The following CADPS variants were observed in gnomAD, a reference collection of about 807,000 sequenced individuals.
CADPS encodes calcium dependent secretion activator.
In CADPS, 57 loss-of-function variants were observed where a neutral mutation model predicts 167.3. That is an observed-to-expected ratio of 0.34 (90% CI 0.28 to 0.42). The LOEUF (loss-of-function observed/expected upper bound fraction) is 0.42, where lower values mean the gene tolerates loss of function less well. Among genes scored for constraint, CADPS ranks in the 20% least tolerant of loss-of-function variants. The pLI is 1.00. For synonymous variants in CADPS, 676 were observed against 635.3 expected (o/e 1.06, Z -0.96); for missense variants, 1,414 against 1,738.1 (o/e 0.81, Z 3.32).
At chr3:62,731,566 C>T (rs2077804050) in intron 3 of CADPS, among the ~76,000 whole-genome samples, 1 of 151,810 alleles carries the variant, frequency 6.6e-6, no homozygotes, top group Non-Finnish European at 1.5e-5. Flanking sequence ...AGAAAGAGTC[C>T]CCTATACTGG....
chr3:62,761,491 T>C (rs1235270278), intron 2 of CADPS, among the ~76,000 whole-genome samples: 1 of 152,064 alleles, frequency 6.6e-6, no homozygotes, highest in Non-Finnish European at 1.5e-5. Context: ...GATGCAGTGT[T>C]CTGAAATGAA....
intron 6 of CADPS, among the ~76,000 whole-genome samples, chr3:62,612,377 C>A (rs2149319128): frequency 6.6e-6 from 1 of 152,306 alleles, no homozygotes; most frequent in East Asian, 1.9e-4. Context: ...AATGGTGCTA[C>A]ACATAGGGAT....
chr3:62,812,520 A>C (rs1489572991), intron 1 of CADPS, among the ~76,000 whole-genome samples: 1 of 152,198 alleles, frequency 6.6e-6, no homozygotes. Context: ...GTAAAGGTAC[A>C]ATCACACATC....
At chr3:62,675,361 C>T (rs923269979) in intron 3 of CADPS, among the ~76,000 whole-genome samples, 2 of 152,096 alleles carry the variant, frequency 1.3e-5, no homozygotes, top group African/African-American at 4.8e-5. Context: ...AATATAGACT[C>T]TATTTGAATA....
At chr3:62,706,571 G>A (rs1156883218) in intron 3 of CADPS, among the ~76,000 whole-genome samples, 1 of 152,040 alleles carries the variant, frequency 6.6e-6, no homozygotes, top group African/African-American at 2.4e-5. Context: ...GTGTTGGCAG[G>A]GTTGCCTCTG....
At chr3:62,699,852 C>T (rs371259005) in intron 3 of CADPS, among the ~76,000 whole-genome samples, 1 of 152,060 alleles carries the variant, frequency 6.6e-6, no homozygotes, top group Admixed American at 6.5e-5. Context: ...TACACCGTGC[C>T]TGGCCTGTTT....
chr3:62,452,917 C>T (rs1489646458), intron 26 of CADPS, among the ~76,000 whole-genome samples: 2 of 151,886 alleles, frequency 1.3e-5, no homozygotes, highest in Non-Finnish European at 2.9e-5. Context: ...AGTTCAAGAC[C>T]AGCCTGGGCA....
rs374459093 is a variant in CADPS at position 62,591,105 on chromosome 3, G to A, written c.1437+1532C>T. Among the ~76,000 whole-genome samples, 73 of 152,188 alleles carry A rather than the reference G, an allele frequency of 4.8e-4. 1 individual carries two copies. The South Asian group carries it at 9.1e-3, about 19-fold the overall frequency. On this transcript the variant is annotated intron_variant, in intron 7 of 29. Coordinates refer to ENST00000383710, the MANE Select transcript of CADPS (RefSeq NM_003716.4). ...ACTCCTGACCTCAGGCGATCCACCCGCCTCGGCCTCCTAATGTGCTGGGGT... is the reference window on the plus strand; with the variant it reads ...ACTCCTGACCTCAGGCGATCCACCCACCTCGGCCTCCTAATGTGCTGGGGT...
chr3:62,467,290 G>A, intron 24 of CADPS: 1 of 1,248,568 alleles, frequency 8.0e-7, no homozygotes, highest in Admixed American at 2.7e-5. Flanking sequence ...AAAGGAAAAT[G>A]CACTTACCCA....
At chr3:62,869,410 T>C (rs1375787370) in intron 1 of CADPS, among the ~76,000 whole-genome samples, 1 of 152,126 alleles carries the variant, frequency 6.6e-6, no homozygotes, top group Non-Finnish European at 1.5e-5. Flanking sequence ...CTGACTGACA[T>C]TGCCTAACAG....
chr3:62,624,434 T>C (rs1055322786), intron 6 of CADPS, among the ~76,000 whole-genome samples: 2 of 152,118 alleles, frequency 1.3e-5, no homozygotes, highest in Non-Finnish European at 2.9e-5. Context: ...TGCAAATGAA[T>C]TGTTCTCTGT....
In CADPS at chr3:62,749,767, T is replaced by C. The variant is rs1043263782; in HGVS notation, c.888+3674A>G. Among the ~76,000 whole-genome samples, 5 of 152,206 alleles carry C rather than the reference T, an allele frequency of 3.3e-5. No homozygotes were observed. In the East Asian group the frequency reaches 9.7e-4, roughly 29 times the overall value. Reference sequence around the variant, plus strand: ...AGGGAGGTAAATTAAATCTCTGCTTTGCTACCTGCCTATGCAGACTTCATA... The same window carrying C: ...AGGGAGGTAAATTAAATCTCTGCTTCGCTACCTGCCTATGCAGACTTCATA... On this transcript the variant is annotated intron_variant, in intron 3 of 29. Transcript: ENST00000383710.
At chr3:62,846,431 T>C (rs564017924) in intron 1 of CADPS, among the ~76,000 whole-genome samples, 8 of 152,326 alleles carry the variant, frequency 5.3e-5, no homozygotes, top group Admixed American at 2.0e-4. Context: ...CTTTAGGGCT[T>C]GCAAATGGTA....
chr3:62,782,537 T>G (rs2091827991), intron 1 of CADPS, among the ~76,000 whole-genome samples: 1 of 152,140 alleles, frequency 6.6e-6, no homozygotes. Context: ...TGGACTCACA[T>G]TTTTTCATGA....
chr3:62,773,163 G>C (rs1354236849), intron 1 of CADPS, among the ~76,000 whole-genome samples: 1 of 151,178 alleles, frequency 6.6e-6, no homozygotes, highest in Non-Finnish European at 1.5e-5. Flanking sequence ...ATTTATATTG[G>C]GCCATGAATT....
At chr3:62,789,465 G>C (rs1239801076) in intron 1 of CADPS, among the ~76,000 whole-genome samples, 1 of 152,194 alleles carries the variant, frequency 6.6e-6, no homozygotes. Flanking sequence ...TGGCAGGCCT[G>C]TTAGCATTTT....
intron 28 of CADPS, among the ~76,000 whole-genome samples, chr3:62,409,329 C>T (rs887891944): frequency 1.3e-5 from 2 of 152,268 alleles, no homozygotes; most frequent in African/African-American, 4.8e-5. Flanking sequence ...CAAATTCATT[C>T]AGCTTTGAAG....
At position 62,808,706 on chromosome 3, in the gene CADPS, G is replaced by A. The variant is rs1206568755; in HGVS notation, c.442-42722C>T. 2.0e-5 allele frequency among the ~76,000 whole-genome samples: 3 copies of A among 151,936 alleles called. No homozygotes were observed. The East Asian group carries it at 5.8e-4, about 29-fold the overall frequency. On this transcript the variant is annotated intron_variant, in intron 1 of 29. Coordinates refer to ENST00000383710, the MANE Select transcript of CADPS (RefSeq NM_003716.4). ...TCCTCAGTGTCCTTTCTCTTTCGAT[G>A]TTATCATCTAAAAGGTGGCCTTCAG...
chr3:62,413,435 T>C (rs754561049), intron 28 of CADPS, among the ~76,000 whole-genome samples: 1 of 152,178 alleles, frequency 6.6e-6, no homozygotes, highest in Non-Finnish European at 1.5e-5. Flanking sequence ...TGGAATATTA[T>C]TCAGCCTTAA....
Sources: gnomAD v4.1 joint callset for allele counts (sites outside exome capture counted in the v4.1 genomes callset) on GRCh38, gnomAD v4.1.1 for gene constraint, MANE v1.5 for transcripts, NCBI Gene and HGNC (gene_info 2026-07-23, HGNC 2026-07-21) for gene names.